The following COG2 variants were observed in gnomAD, a reference collection of about 807,000 sequenced individuals.
COG2 encodes conserved oligomeric Golgi complex subunit 2.
In COG2, 52 loss-of-function variants were observed where a neutral mutation model predicts 90.6. That is an observed-to-expected ratio of 0.57 (90% confidence interval 0.46 to 0.72). The LOEUF is 0.72. COG2 is among the 30% of genes least tolerant of loss of function. The pLI is 0.00. For missense variants in COG2, 829 were observed against 891.2 expected, an observed-to-expected ratio of 0.93 and a Z score of 0.89; for synonymous variants, 337 against 320.4, an observed-to-expected ratio of 1.05 and a Z score of -0.55.
At chr1:230,688,618 C>T in intron 15 of COG2, 56 bp downstream of exon 15, 1 of 1,588,352 alleles carries the variant, frequency 6.3e-7, no homozygotes, top group Non-Finnish European at 8.6e-7. Context: ...GTTAGGAAAG[C>T]CAAAGAGGAA....
intron 1 of COG2, among the ~76,000 whole-genome samples, chr1:230,651,684 GC>G (rs1468681439): frequency 5.9e-5 from 9 of 152,182 alleles, no homozygotes; most frequent in African/African-American, 2.2e-4. Context: ...GGGCTTTCAG[GC>G]CATAATTCTT....
rs978274585 is a variant in COG2 at position 230,669,463 on chromosome 1, C to T, written c.702C>T (p.Tyr234=). ...VDIIRHCLRT[Y]ATIDKTRDAE... ...TAATACGGCACTGCTTGCGGACTTACGCCACGATTGACAAGACACGGGACG... is the reference window on the plus strand; with the variant it reads ...TAATACGGCACTGCTTGCGGACTTATGCCACGATTGACAAGACACGGGACG... Residue 234 remains tyrosine, a synonymous_variant, in exon 7 of 18, where the codon TAC becomes TAT. Coordinates refer to ENST00000366669, the MANE Select transcript of COG2 (RefSeq NM_007357.3). The T allele has an allele frequency of 5.6e-6, 9 of 1,614,042 alleles. No homozygotes were observed. Among genetic ancestry groups the T allele is most frequent in the East Asian group, 2.2e-5 (1 of 44,868 alleles).
intron 2 of COG2, 27 bp from the exon 3 acceptor site, chr1:230,660,731 G>T (rs1179385531): frequency 1.3e-6 from 2 of 1,540,112 alleles, no homozygotes; most frequent in Non-Finnish European, 1.8e-6. Flanking sequence ...TGTGAGGTGT[G>T]TGTGCCAACA....
At position 230,692,566 on chromosome 1, in the gene COG2, G is replaced by A. The variant is rs151037069; in HGVS notation, c.2116-726G>A. ...GCAAGAAAGTATGTTATAGAAACGT[G>A]AAGAGCCAATGAGCAAAAGAAAGGG... On this transcript the variant is annotated intron_variant, in intron 17 of 17. Transcript: ENST00000366669. Among the ~76,000 whole-genome samples the A allele has an allele frequency of 2.0e-3, 299 of 152,250 alleles. 2 individuals are homozygous for A. The highest frequency in any genetic ancestry group is 3.5e-3 in the Non-Finnish European group (238 of 68,026).
chr1:230,659,334 C>T, intron 1 of COG2, 130 bp from the exon 2 acceptor site: 3 of 763,224 alleles, frequency 3.9e-6, no homozygotes, highest in Non-Finnish European at 4.4e-6. Flanking sequence ...AGCCAAGATA[C>T]TTTCTTCCTG....
intron 1 of COG2, among the ~76,000 whole-genome samples, chr1:230,644,825 G>C (rs3827743): frequency 6.6e-6 from 1 of 152,138 alleles, no homozygotes; most frequent in Admixed American, 6.5e-5. Context: ...ACATGATCAT[G>C]TATGTTGCAG....
chr1:230,659,611 C>G lies in COG2; in HGVS notation c.220C>G (p.Leu74Val). The G allele has an allele frequency of 6.2e-7, 1 of 1,613,158 alleles. No individual in the cohort carries two copies. The highest frequency in any genetic ancestry group is 1.1e-5 in the South Asian group (1 of 90,718). The change falls in exon 2 of 18, where the codon CTT becomes GTT. Residue 74 changes from leucine (L) to valine (V), a missense_variant. By Grantham distance (32) the Leu-to-Val change is conservative. Coordinates refer to ENST00000366669, the MANE Select transcript of COG2 (RefSeq NM_007357.3). ...INKDYADFVN[L>V]STNLVGMDKA... Reference sequence around the variant, plus strand: ...CAAGGATTATGCAGATTTTGTCAATCTTTCAACAAACTTGGTAAACTTTAA... The same window carrying G: ...CAAGGATTATGCAGATTTTGTCAATGTTTCAACAAACTTGGTAAACTTTAA...
intron 5 of COG2, among the ~76,000 whole-genome samples, chr1:230,665,859 C>T (rs1470672485): frequency 6.6e-6 from 1 of 152,174 alleles, no homozygotes; most frequent in Non-Finnish European, 1.5e-5. Context: ...ACTATGTCCT[C>T]ACTTGGCATC....
At chr1:230,679,076 C>T (rs201805558) in intron 10 of COG2, 24 bp downstream of exon 10, 399 of 1,594,656 alleles carry the variant, frequency 2.5e-4, no homozygotes, top group South Asian at 1.7e-3. Flanking sequence ...TCACCGCCCC[C>T]GCCCCGCACC....
chr1:230,661,259 TG>T (rs2102750736), intron 3 of COG2: 1 of 152,516 alleles, frequency 6.6e-6, no homozygotes, highest in East Asian at 1.9e-4. Flanking sequence ...TAAACCCTAA[TG>T]TAACCAAAGG....
intron 1 of COG2, among the ~76,000 whole-genome samples, chr1:230,647,613 G>A (rs1018575093): frequency 6.6e-6 from 1 of 152,122 alleles, no homozygotes; most frequent in African/African-American, 2.4e-5. Context: ...GAAACTTACA[G>A]TTGCCCCTCA....
chr1:230,655,172 T>C (rs1241564239), intron 1 of COG2, among the ~76,000 whole-genome samples: 10 of 152,362 alleles, frequency 6.6e-5, no homozygotes, highest in South Asian at 2.1e-4. Context: ...CCCTGTCTTA[T>C]GCCAGTTTTC....
intron 8 of COG2, among the ~76,000 whole-genome samples, chr1:230,673,354 C>CTCCT (rs1278948768): frequency 2.0e-5 from 3 of 152,212 alleles, no homozygotes; most frequent in Admixed American, 1.3e-4. Context: ...CCTTGCTCGG[C>CTCCT]TCCTGGCTTC....
Position 230,688,534 on chromosome 1 carries a change from T to C in COG2, c.1766T>C (p.Val589Ala). ...GGTTTCCTAAAAAGCGCCCTGGAGG[T>C]TCCCAGGCTTTACCGAAGAACCAAT... ...CFGFLKSALE[V>A]PRLYRRTNKE... The change falls in exon 15 of 18, where the codon GTT (valine) becomes GCT (alanine). Residue 589 changes from valine to alanine, a missense_variant. Transcript: ENST00000366669. The C allele has an allele frequency of 6.2e-7, 1 of 1,613,952 alleles. No homozygotes were observed. Among genetic ancestry groups the C allele is most frequent in the African/African-American group, 1.3e-5 (1 of 74,970 alleles).
chr1:230,659,461 C>T lies in COG2; in HGVS notation c.73-3C>T, dbSNP rs1443478479. 2 of 1,612,074 alleles carry T rather than the reference C, an allele frequency of 1.2e-6. No individual in the cohort carries two copies. Among genetic ancestry groups the T allele is most frequent in the Non-Finnish European group, 8.5e-7 (1 of 1,178,672 alleles). ...TTTTTTCTTCTCTGGTTTTATTTTT[C>T]AGGAAGATTTCGATGTCGATCATTT... On this transcript the variant is annotated splice_region_variant and splice_polypyrimidine_tract_variant and intron_variant, in intron 1 of 17. Transcript: ENST00000366669.
At chr1:230,688,646 G>C in intron 15 of COG2, 84 bp downstream of exon 15, 1 of 1,432,192 alleles carries the variant, frequency 7.0e-7, no homozygotes, top group South Asian at 1.2e-5. Context: ...AGGAAGCGGC[G>C]GATTCCCAGG....
intron 13 of COG2, 43 bp downstream of exon 13, chr1:230,687,175 G>T (rs1662904784): frequency 6.4e-7 from 1 of 1,551,632 alleles, no homozygotes; most frequent in Admixed American, 1.7e-5. Flanking sequence ...TTGGTTTAAT[G>T]TTTTCACAGA....
chr1:230,664,125 G>A (rs1405012240), intron 4 of COG2, among the ~76,000 whole-genome samples: 1 of 152,028 alleles, frequency 6.6e-6, no homozygotes, highest in Non-Finnish European at 1.5e-5. Flanking sequence ...GGAAGTTGAG[G>A]CTGCAGTGAG....
At position 230,688,623 on chromosome 1, in the gene COG2, GAGGA is replaced by G. The variant is rs1048195839; in HGVS notation, c.1794+76_1794+79del. On this transcript the variant is annotated intron_variant, in intron 15 of 17. Transcript: ENST00000366669. ...GGAAGTGTGTGTTAGGAAAGCCAAA[GAGGA>G]AGGAAGGAAGGAAGCGGCGGATTCC... is the stretch of plus-strand genomic sequence containing the variant. The G allele has an allele frequency of 6.1e-5, 96 of 1,578,336 alleles. No homozygotes were observed. The Admixed American group carries it at 9.5e-4, about 16-fold the overall frequency.
Sources: allele counts gnomAD v4.1 joint callset (sites outside exome capture counted in the v4.1 genomes callset), GRCh38; gene constraint gnomAD v4.1.1; transcripts MANE v1.5; gene names NCBI Gene and HGNC (gene_info 2026-07-23, HGNC 2026-07-21).